CHCHD6: variants seen among roughly 807,000 people sequenced by gnomAD.
CHCHD6 encodes the protein MICOS complex subunit MIC25.
A neutral mutation model predicts 32.3 loss-of-function variants in CHCHD6; 28 were observed. The ratio of observed to expected loss-of-function variants is 0.87; its 90% confidence interval spans 0.64 to 1.19. CHCHD6 has a LOEUF of 1.19. Ranked by LOEUF, CHCHD6 falls within the 50% of genes most tolerant of loss-of-function variation. CHCHD6 has a pLI of 0.00. For missense variants in CHCHD6, 333 were observed against 307.0 expected, an observed-to-expected ratio of 1.08 and a Z score of -0.63; for synonymous variants, 122 against 117.5, an observed-to-expected ratio of 1.04 and a Z score of -0.25.
chr3:126,816,913 C>G (rs1213904956), intron 4 of CHCHD6, among the ~76,000 whole-genome samples: 1 of 152,056 alleles, frequency 6.6e-6, no homozygotes, highest in Non-Finnish European at 1.5e-5. Flanking sequence ...CACCCTGTGT[C>G]CAAGTGTTCT....
chr3:126,732,561 A>AT (rs34607172), intron 3 of CHCHD6, among the ~76,000 whole-genome samples: 1 of 152,116 alleles, frequency 6.6e-6, no homozygotes, highest in African/African-American at 2.4e-5. Flanking sequence ...GGTTGCTTGC[A>AT]TTTTTTTCAC....
chr3:126,957,450 C>T lies in CHCHD6; in HGVS notation c.601C>T (p.Gln201Ter). 1 of 1,611,246 alleles carries T rather than the reference C, an allele frequency of 6.2e-7. No individual in the cohort carries two copies. Among genetic ancestry groups the T allele is most frequent in the Non-Finnish European group, 8.5e-7 (1 of 1,179,082 alleles). ...RRVEPVCSGL[Q>*]AQILHCYRDR... ...GGTGGAGCCCGTCTGCTCAGGGTTG[C>T]AGGCCCAGATTCTCCACTGCTACCG... The change falls in exon 7 of 8, where the codon CAG becomes TAG. Residue 201 changes from glutamine (Q) to a stop codon, truncating the protein, a stop_gained. Transcript: ENST00000290913. LOFTEE classifies it high-confidence loss of function.
intron 1 of CHCHD6, among the ~76,000 whole-genome samples, chr3:126,718,910 G>A (rs1935148889): frequency 6.6e-6 from 1 of 152,180 alleles, no homozygotes; most frequent in African/African-American, 2.4e-5. Context: ...GCTGTATTTT[G>A]TGGCAACATA....
At chr3:126,739,725 T>C (rs1483142175) in intron 4 of CHCHD6, among the ~76,000 whole-genome samples, 1 of 152,252 alleles carries the variant, frequency 6.6e-6, no homozygotes, top group Non-Finnish European at 1.5e-5. Flanking sequence ...CATTTGGCTT[T>C]TTTTTAATAG....
intron 6 of CHCHD6, among the ~76,000 whole-genome samples, chr3:126,951,852 C>A (rs1048652499): frequency 2.6e-5 from 4 of 152,358 alleles, no homozygotes; most frequent in African/African-American, 9.6e-5. Context: ...GGAGACCTAG[C>A]AGGCCGTCAG....
intron 5 of CHCHD6, among the ~76,000 whole-genome samples, chr3:126,881,189 G>A (rs2077604458): frequency 6.6e-6 from 1 of 152,230 alleles, no homozygotes. Context: ...GTCCTCGTAG[G>A]CCTCCCAGGC....
rs563398150 is a variant in CHCHD6, at chr3:126,875,468, G to C, written c.495+22738G>C. 2.0e-5 allele frequency among the ~76,000 whole-genome samples: 3 copies of C among 152,388 alleles called. No individual in the cohort carries two copies. The East Asian group carries it at 5.8e-4, about 29-fold the overall frequency. On this transcript the variant is annotated intron_variant, in intron 5 of 7. Coordinates refer to ENST00000290913, the MANE Select transcript of CHCHD6 (RefSeq NM_032343.3). ...GCTGGCGCACTGCTCTCGTGCTACA[G>C]TGATGGAGTGGCACCTAAAAGCCAT... is the stretch of plus-strand genomic sequence containing the variant.
rs911516960 is a variant in CHCHD6, at chr3:126,803,666, A to G, written c.412-48981A>G. Among the ~76,000 whole-genome samples, 4 of 152,184 alleles carry G rather than the reference A, an allele frequency of 2.6e-5. No individual in the cohort carries two copies. In the East Asian group the frequency reaches 7.7e-4, roughly 29 times the overall value. On this transcript the variant is annotated intron_variant, in intron 4 of 7. Transcript: ENST00000290913. ...CATTAGACAGATCAACGAGACAGAA[A>G]GTTAACAAGGATACCCAGGAATTGA...
intron 1 of CHCHD6, among the ~76,000 whole-genome samples, chr3:126,716,403 A>T (rs1935018500): frequency 6.6e-6 from 1 of 152,068 alleles, no homozygotes; most frequent in African/African-American, 2.4e-5. Context: ...TGGAACTCGG[A>T]GTTCCATTGT....
At chr3:126,813,862 G>A (rs1413460020) in intron 4 of CHCHD6, among the ~76,000 whole-genome samples, 1 of 152,192 alleles carries the variant, frequency 6.6e-6, no homozygotes, top group Non-Finnish European at 1.5e-5. Flanking sequence ...GTGAATTGGA[G>A]GACACTAGTT....
intron 4 of CHCHD6, among the ~76,000 whole-genome samples, chr3:126,749,986 G>A (rs1426151690): frequency 2.6e-5 from 4 of 152,148 alleles, no homozygotes; most frequent in South Asian, 2.1e-4. Flanking sequence ...ACCTTGGCCC[G>A]ACGTCTGTTC....
At chr3:126,915,392 T>TG (rs2078154401) in intron 6 of CHCHD6, among the ~76,000 whole-genome samples, 1 of 152,212 alleles carries the variant, frequency 6.6e-6, no homozygotes, top group Admixed American at 6.5e-5. Context: ...AGTACCAGTG[T>TG]GGCTCTGCTC....
intron 4 of CHCHD6, among the ~76,000 whole-genome samples, chr3:126,778,907 A>G (rs971483727): frequency 2.0e-5 from 3 of 148,752 alleles, no homozygotes; most frequent in African/African-American, 7.4e-5. Flanking sequence ...GCCATGTGCC[A>G]CCACGCCTGG....
At chr3:126,716,607 T>C (rs982598582) in intron 1 of CHCHD6, among the ~76,000 whole-genome samples, 5 of 152,058 alleles carry the variant, frequency 3.3e-5, no homozygotes, top group African/African-American at 1.2e-4. Flanking sequence ...AAATATTTAA[T>C]TCATGTGGTT....
At chr3:126,798,980 C>G (rs1317662456) in intron 4 of CHCHD6, among the ~76,000 whole-genome samples, 1 of 152,142 alleles carries the variant, frequency 6.6e-6, no homozygotes, top group Non-Finnish European at 1.5e-5. Flanking sequence ...TTAAATGTAC[C>G]CTCCTTCAAG....
At chr3:126,850,811 G>A (rs544104176) in intron 4 of CHCHD6, among the ~76,000 whole-genome samples, 1 of 152,288 alleles carries the variant, frequency 6.6e-6, no homozygotes, top group Admixed American at 6.5e-5. Context: ...CTGGACCGCT[G>A]AGAGGCCCAG....
At chr3:126,794,334 T>G (rs2107687505) in intron 4 of CHCHD6, among the ~76,000 whole-genome samples, 1 of 148,094 alleles carries the variant, frequency 6.8e-6, no homozygotes, top group South Asian at 2.1e-4. Flanking sequence ...TATATTACAT[T>G]TAGACTGTAA....
chr3:126,949,068 T>C (rs73193104), intron 6 of CHCHD6, among the ~76,000 whole-genome samples: 2,036 of 152,286 alleles, frequency 0.013, 19 homozygotes, highest in African/African-American at 0.024. Context: ...TAATAGACAG[T>C]GGTGGCACAG....
intron 5 of CHCHD6, among the ~76,000 whole-genome samples, chr3:126,909,244 A>G (rs2078049423): frequency 6.6e-6 from 1 of 152,154 alleles, no homozygotes; most frequent in Non-Finnish European, 1.5e-5. Context: ...CACATCTGTG[A>G]TTGCACATGC....
Sources: gnomAD v4.1 joint callset for allele counts (sites outside exome capture counted in the v4.1 genomes callset) on GRCh38, gnomAD v4.1.1 for gene constraint, MANE v1.5 for transcripts, NCBI Gene and HGNC (gene_info 2026-07-23, HGNC 2026-07-21) for gene names.